Variants in ANXA10 observed in about 807,000 individuals in gnomAD.
The protein encoded by ANXA10 is annexin 14.
ANXA10 carries 49 observed loss-of-function variants against 53.5 expected under a neutral mutation model. The ratio of observed to expected loss-of-function variants is 0.92; its 90% CI spans 0.73 to 1.16. The LOEUF is 1.16. Ranked by LOEUF, ANXA10 falls within the 50% of genes most tolerant of loss-of-function variation. The pLI, the probability that ANXA10 is intolerant of heterozygous loss-of-function variation, is 0.00. For synonymous variants in ANXA10, 131 were observed against 128.9 expected (o/e 1.02, Z -0.11); for missense variants, 393 against 394.4 (o/e 1.00, Z 0.03).
rs973248887 is a variant in ANXA10, at chr4:168,181,747, T to A, written c.783+6T>A. 3 of 1,553,794 alleles carry A rather than the reference T, an allele frequency of 1.9e-6. No individual in the cohort carries two copies. The highest frequency in any genetic ancestry group is 2.6e-6 in the Non-Finnish European group (3 of 1,132,570). On this transcript the variant is annotated splice_donor_region_variant and intron_variant, in intron 10 of 11. Coordinates refer to ENST00000359299, the MANE Select transcript of ANXA10 (RefSeq NM_007193.5). ...GATTATATAGTGCAATTCATGTAAGTAAGACATATATTTTTAAAATTTCTC... is the reference window on the plus strand; with the variant it reads ...GATTATATAGTGCAATTCATGTAAGAAAGACATATATTTTTAAAATTTCTC...
In ANXA10 at chr4:168,136,960, C is replaced by T. The variant is rs538070643; in HGVS notation, c.101-2526C>T. ...CTCCAAAACCTCAACTCTTGCTGTC[C>T]ATGCACTCACAGACTTAACACCATG... On this transcript the variant is annotated intron_variant, in intron 2 of 11. Transcript: ENST00000359299. 1.8e-4 allele frequency among the ~76,000 whole-genome samples: 28 copies of T among 152,324 alleles called. No homozygotes were observed. The East Asian group carries it at 5.4e-3, about 29-fold the overall frequency.
intron 2 of ANXA10, among the ~76,000 whole-genome samples, chr4:168,132,069 T>G (rs1260673687): frequency 6.6e-6 from 1 of 152,084 alleles, no homozygotes; most frequent in East Asian, 1.9e-4. Context: ...GTTTAAAGGT[T>G]CCTCAAAAAA....
At chr4:168,140,297 T>G (rs1731304843) in intron 3 of ANXA10, among the ~76,000 whole-genome samples, 1 of 152,200 alleles carries the variant, frequency 6.6e-6, no homozygotes. Context: ...ATCATAAAAC[T>G]TTCTCAGTAG....
chr4:168,162,837 A>C (rs1731809921), intron 4 of ANXA10, among the ~76,000 whole-genome samples, 196 bp downstream of exon 4: 1 of 152,154 alleles, frequency 6.6e-6, no homozygotes, highest in Non-Finnish European at 1.5e-5. Flanking sequence ...TCCTGGGCTG[A>C]GTGGCTGGGA....
chr4:168,126,128 A>T (rs1306607812), intron 1 of ANXA10, among the ~76,000 whole-genome samples: 2 of 151,958 alleles, frequency 1.3e-5, no homozygotes, highest in Non-Finnish European at 2.9e-5. Flanking sequence ...ATAAAAAAAA[A>T]TCATGCATAT....
chr4:168,182,771 G>C (rs1489949304), intron 10 of ANXA10, among the ~76,000 whole-genome samples: 2 of 150,360 alleles, frequency 1.3e-5, no homozygotes, highest in Admixed American at 6.6e-5. Flanking sequence ...AGCACTTTGG[G>C]AGGCCGAGGC....
intron 3 of ANXA10, among the ~76,000 whole-genome samples, chr4:168,154,849 A>G (rs924226799): frequency 2.0e-5 from 3 of 150,286 alleles, no homozygotes; most frequent in Non-Finnish European, 4.5e-5. Flanking sequence ...ATAAATTATT[A>G]CAGTTATTCT....
chr4:168,165,690 C>G (rs1449392719), intron 6 of ANXA10, among the ~76,000 whole-genome samples: 1 of 151,570 alleles, frequency 6.6e-6, no homozygotes, highest in South Asian at 2.1e-4. Flanking sequence ...TTCTTTCTTT[C>G]TTTTTTGAGA....
intron 3 of ANXA10, among the ~76,000 whole-genome samples, chr4:168,144,479 G>A (rs771272130): frequency 3.3e-5 from 5 of 152,128 alleles, no homozygotes; most frequent in Non-Finnish European, 5.9e-5. Flanking sequence ...GAGCCACTGC[G>A]CCCAGTTGTT....
chr4:168,140,717 C>T (rs1731312168), intron 3 of ANXA10, among the ~76,000 whole-genome samples: 1 of 151,852 alleles, frequency 6.6e-6, no homozygotes, highest in South Asian at 2.1e-4. Flanking sequence ...CTCCTGGGTT[C>T]AAGTGATGCC....
intron 3 of ANXA10, among the ~76,000 whole-genome samples, chr4:168,141,900 G>T (rs754159851): frequency 3.3e-5 from 5 of 152,054 alleles, no homozygotes; most frequent in Non-Finnish European, 1.5e-5. Flanking sequence ...GGTTTGTGGG[G>T]CCCTCCCTTA....
chr4:168,098,761 C>T (rs1028374091), intron 1 of ANXA10, among the ~76,000 whole-genome samples: 1 of 151,584 alleles, frequency 6.6e-6, no homozygotes, highest in Non-Finnish European at 1.5e-5. Context: ...TTTATGTCCT[C>T]TAGACATTCT....
At chr4:168,186,561 T>C (rs766212920) in intron 11 of ANXA10, among the ~76,000 whole-genome samples, 5 of 152,188 alleles carry the variant, frequency 3.3e-5, no homozygotes, top group Non-Finnish European at 5.9e-5. Context: ...AGAAGAAGGC[T>C]GTCTACGAGA....
rs1156809671 is a variant in ANXA10, at chr4:168,178,256, T to A, written c.628+273T>A. The A allele has an allele frequency of 3.9e-5, 16 of 406,894 alleles. No homozygotes were observed. The Admixed American group carries it at 6.4e-4, about 16-fold the overall frequency. 25.2% of individuals were successfully genotyped at this position (406,894 alleles called of 1,614,324 possible). A position where few individuals can be genotyped will look rare whatever the true frequency, so the allele number is the denominator to read the frequency against. ...TTGATGGAGTACTTATTCAAATATA[T>A]TAGCTGTTTCCTATTAGGTATATTA... On this transcript the variant is annotated intron_variant, in intron 8 of 11. Coordinates refer to ENST00000359299, the MANE Select transcript of ANXA10 (RefSeq NM_007193.5).
intron 6 of ANXA10, among the ~76,000 whole-genome samples, chr4:168,166,692 G>A (rs897174265): frequency 2.7e-5 from 4 of 148,952 alleles, no homozygotes; most frequent in African/African-American, 7.4e-5. Context: ...TTGAAATGAA[G>A]CAAGAGTTTC....
chr4:168,167,385 C>T (rs1054569848), intron 6 of ANXA10, among the ~76,000 whole-genome samples: 1 of 152,046 alleles, frequency 6.6e-6, no homozygotes, highest in Non-Finnish European at 1.5e-5. Flanking sequence ...GATAATTTTG[C>T]CCAACTGTAG....
chr4:168,122,467 C>T (rs1372309129), intron 1 of ANXA10, among the ~76,000 whole-genome samples: 1 of 152,190 alleles, frequency 6.6e-6, no homozygotes, highest in African/African-American at 2.4e-5. Flanking sequence ...AGAGAGAATA[C>T]CTAGAACCGA....
intron 3 of ANXA10, among the ~76,000 whole-genome samples, chr4:168,155,196 C>T (rs868536586): frequency 2.0e-5 from 3 of 150,662 alleles, no homozygotes; most frequent in African/African-American, 4.9e-5. Flanking sequence ...CTCACAACTA[C>T]GCTTTCCACG....
At chr4:168,156,306 A>ATTATATTATATTATAT (rs1731676082) in intron 3 of ANXA10, among the ~76,000 whole-genome samples, 1 of 66,950 alleles carries the variant, frequency 1.5e-5, no homozygotes, top group Non-Finnish European at 2.9e-5. Flanking sequence ...TATTATATAT[A>ATTATATTATATTATAT]ATAGTATATA....
Sources: allele counts gnomAD v4.1 joint callset (sites outside exome capture counted in the v4.1 genomes callset), GRCh38; gene constraint gnomAD v4.1.1; transcripts MANE v1.5; gene names NCBI Gene and HGNC (gene_info 2026-07-23, HGNC 2026-07-21).